Variants in SETBP1 observed in about 807,000 individuals in gnomAD.
SETBP1 encodes SET-binding protein.
Under a neutral mutation model 101.0 loss-of-function variants are expected in SETBP1, and 9 were observed. That is an observed-to-expected ratio of 0.09 (90% CI 0.05 to 0.16). The LOEUF (loss-of-function observed/expected upper bound fraction) is 0.16. Ranked by LOEUF, SETBP1 falls within the 10% of genes least tolerant of loss-of-function variation. SETBP1 has a pLI of 1.00. For missense variants in SETBP1, 1,858 were observed against 2,033.8 expected (o/e 0.91, Z 1.66); for synonymous variants, 818 against 788.5 (o/e 1.04, Z -0.63).
At chr18:44,947,801 A>G (rs2071244528) in intron 3 of SETBP1, among the ~76,000 whole-genome samples, 1 of 152,144 alleles carries the variant, frequency 6.6e-6, no homozygotes, top group African/African-American at 2.4e-5. Context: ...CACTACACCC[A>G]GCCATCCCAC....
chr18:45,020,067 G>T (rs986864236), intron 4 of SETBP1, among the ~76,000 whole-genome samples: 1 of 151,764 alleles, frequency 6.6e-6, no homozygotes, highest in Non-Finnish European at 1.5e-5. Context: ...GTTGTGGCAG[G>T]TTGAGATTTA....
At chr18:44,844,562 G>A (rs1195720264) in intron 2 of SETBP1, among the ~76,000 whole-genome samples, 1 of 152,184 alleles carries the variant, frequency 6.6e-6, no homozygotes, top group African/African-American at 2.4e-5. Context: ...CAGTTAATAA[G>A]GCCAGAGCTG....
intron 2 of SETBP1, among the ~76,000 whole-genome samples, chr18:44,790,112 G>T (rs1032734035): frequency 6.6e-6 from 1 of 152,218 alleles, no homozygotes; most frequent in South Asian, 2.1e-4. Flanking sequence ...GGAAGAACAG[G>T]CTGTGTTTTA....
At chr18:44,723,711 C>A (rs1183681036) in intron 2 of SETBP1, among the ~76,000 whole-genome samples, 1 of 152,104 alleles carries the variant, frequency 6.6e-6, no homozygotes, top group Admixed American at 6.5e-5. Flanking sequence ...GATAAAGGGG[C>A]CTTTTATTTC....
At chr18:44,738,542 G>A (rs963713474) in intron 2 of SETBP1, among the ~76,000 whole-genome samples, 1 of 152,156 alleles carries the variant, frequency 6.6e-6, no homozygotes, top group Non-Finnish European at 1.5e-5. Flanking sequence ...GGGAGGCCGA[G>A]GCAGGCAGAT....
chr18:44,760,051 G>A (rs2070604112), intron 2 of SETBP1, among the ~76,000 whole-genome samples: 1 of 152,182 alleles, frequency 6.6e-6, no homozygotes, highest in African/African-American at 2.4e-5. Flanking sequence ...CAGGAGTTGT[G>A]GTGGTGGAGG....
chr18:44,881,654 G>C (rs2069532544), intron 3 of SETBP1, among the ~76,000 whole-genome samples: 1 of 152,160 alleles, frequency 6.6e-6, no homozygotes, highest in Non-Finnish European at 1.5e-5. Flanking sequence ...TACATTTGTA[G>C]AGAATCTTTT....
intron 3 of SETBP1, among the ~76,000 whole-genome samples, chr18:44,938,549 C>T (rs560013824): frequency 1.1e-4 from 17 of 152,374 alleles, no homozygotes; most frequent in Admixed American, 2.6e-4. Context: ...GGGAATTACA[C>T]TGGAGGAGCC....
At chr18:44,851,188 G>A (rs971120674) in intron 2 of SETBP1, among the ~76,000 whole-genome samples, 1 of 152,136 alleles carries the variant, frequency 6.6e-6, no homozygotes, top group Non-Finnish European at 1.5e-5. Context: ...CCATCTGAAG[G>A]ACAGTATATG....
chr18:44,848,651 T>A (rs1335778855), intron 2 of SETBP1, among the ~76,000 whole-genome samples: 5 of 152,168 alleles, frequency 3.3e-5, no homozygotes, highest in Non-Finnish European at 7.3e-5. Flanking sequence ...CCTGGAGAGG[T>A]AACTTAAACA....
intron 4 of SETBP1, among the ~76,000 whole-genome samples, chr18:45,031,591 G>A (rs79727076): frequency 6.8e-4 from 104 of 152,300 alleles, no homozygotes; most frequent in African/African-American, 2.4e-3. Context: ...TTTAAGAATA[G>A]AGGAATATGT....
chr18:44,814,402 G>T (rs1389394231), intron 2 of SETBP1, among the ~76,000 whole-genome samples: 1 of 152,186 alleles, frequency 6.6e-6, no homozygotes, highest in Non-Finnish European at 1.5e-5. Context: ...CAGGTTGAGT[G>T]CTGCTGATTT....
intron 2 of SETBP1, among the ~76,000 whole-genome samples, chr18:44,838,246 G>A (rs2072537649): frequency 6.6e-6 from 1 of 152,180 alleles, no homozygotes; most frequent in African/African-American, 2.4e-5. Context: ...CTGTATTTCA[G>A]AGTAGGAGTC....
chr18:44,964,578 G>A (rs1221811314), intron 4 of SETBP1, among the ~76,000 whole-genome samples: 8 of 140,868 alleles, frequency 5.7e-5, no homozygotes, highest in Non-Finnish European at 9.2e-5. Flanking sequence ...ATTTGAAAAC[G>A]TTTTTATTAT....
chr18:44,864,799 C>T (rs1437079274), intron 2 of SETBP1, among the ~76,000 whole-genome samples: 1 of 152,020 alleles, frequency 6.6e-6, no homozygotes, highest in East Asian at 1.9e-4. Flanking sequence ...GTCCCTAGGG[C>T]CATGGCGAAT....
rs147243615 is a variant in SETBP1 at position 44,924,540 on chromosome 18, A to T, written c.541-25341A>T. ...TTATTATTTATTATATTAATGGGGAAACTGAGGTTCAGAGGAACAGTGAAT... is the reference window on the plus strand; with the variant it reads ...TTATTATTTATTATATTAATGGGGATACTGAGGTTCAGAGGAACAGTGAAT... On this transcript the variant is annotated intron_variant, in intron 3 of 5. Transcript: ENST00000649279. Among the ~76,000 whole-genome samples, 799 of 152,286 alleles carry T rather than the reference A, an allele frequency of 5.2e-3. 4 individuals carry two copies. The highest frequency in any genetic ancestry group is 6.8e-3 in the Non-Finnish European group (461 of 68,028).
At chr18:44,990,221 C>T (rs1039336927) in intron 4 of SETBP1, among the ~76,000 whole-genome samples, 25 of 151,708 alleles carry the variant, frequency 1.6e-4, no homozygotes, top group Admixed American at 1.6e-3. Context: ...AAAATATTTT[C>T]GAGAAAGAAG....
At chr18:44,807,323 C>A in intron 2 of SETBP1, among the ~76,000 whole-genome samples, 1 of 150,212 alleles carries the variant, frequency 6.7e-6, no homozygotes, top group East Asian at 1.9e-4. Flanking sequence ...TTTTTTTCAT[C>A]TTCTGCTAAA....
chr18:44,939,781 T>C (rs1001357129), intron 3 of SETBP1, among the ~76,000 whole-genome samples: 21 of 152,234 alleles, frequency 1.4e-4, no homozygotes, highest in African/African-American at 5.1e-4. Flanking sequence ...ATTGTGGTTT[T>C]AATTGACATT....
Sources: allele counts gnomAD v4.1 joint callset (sites outside exome capture counted in the v4.1 genomes callset), GRCh38; gene constraint gnomAD v4.1.1; transcripts MANE v1.5; gene names NCBI Gene and HGNC (gene_info 2026-07-23, HGNC 2026-07-21).